SYNDIG1L: variants seen among roughly 807,000 people sequenced by gnomAD.
SYNDIG1L encodes synapse differentiation-inducing gene protein 1-like.
A neutral mutation model predicts 20.1 loss-of-function variants in SYNDIG1L; 13 were observed. The observed-to-expected ratio is 0.65, with a 90% CI of 0.42 to 1.03. The LOEUF (loss-of-function observed/expected upper bound fraction) is 1.03. Ranked by LOEUF, SYNDIG1L falls within the 50% of genes least tolerant of loss-of-function variation. The pLI is 0.00. For missense variants in SYNDIG1L, 294 were observed against 305.1 expected (o/e 0.96, Z 0.27); for synonymous variants, 128 against 129.3 (o/e 0.99, Z 0.07).
At chr14:74,421,236 C>A (rs540962294) in intron 1 of SYNDIG1L, among the ~76,000 whole-genome samples, 2 of 152,062 alleles carry the variant, frequency 1.3e-5, no homozygotes, top group South Asian at 2.1e-4. Flanking sequence ...TAAAAATAAT[C>A]GCCGAAATTT....
the SYNDIG1L span, among the ~76,000 whole-genome samples, chr14:74,447,977 C>G: frequency 6.6e-6 from 1 of 151,834 alleles, no homozygotes; most frequent in South Asian, 2.1e-4. Flanking sequence ...ACTATAAACC[C>G]CTAAGTAAGT....
the SYNDIG1L span, among the ~76,000 whole-genome samples, chr14:74,461,610 CT>C: frequency 6.6e-6 from 1 of 152,010 alleles, no homozygotes; most frequent in Non-Finnish European, 1.5e-5. Flanking sequence ...CCACTTTCCC[CT>C]GTCTACTGGC....
At chr14:74,479,270 A>T in the SYNDIG1L span, 1 of 152,236 alleles carries the variant, frequency 6.6e-6, no homozygotes, top group Non-Finnish European at 1.5e-5. Context: ...CCAAGGGTCT[A>T]GTGAAATTAG....
the SYNDIG1L span, among the ~76,000 whole-genome samples, chr14:74,436,550 C>T: frequency 5.3e-5 from 8 of 151,858 alleles, no homozygotes; most frequent in Non-Finnish European, 1.0e-4. Context: ...ACCCACTCAC[C>T]ATTAAAAGCT....
intron 1 of SYNDIG1L, among the ~76,000 whole-genome samples, chr14:74,420,506 A>C (rs1442948999): frequency 6.6e-6 from 1 of 152,124 alleles, no homozygotes; most frequent in Admixed American, 6.5e-5. Context: ...CTAAATGAAC[A>C]GGAATCTGTG....
chr14:74,456,315 AG>A, the SYNDIG1L span, among the ~76,000 whole-genome samples: 1 of 152,220 alleles, frequency 6.6e-6, no homozygotes, highest in Non-Finnish European at 1.5e-5. Flanking sequence ...GTATCACCTG[AG>A]GTCAGGAGTT....
the SYNDIG1L span, among the ~76,000 whole-genome samples, chr14:74,460,747 C>T: frequency 6.6e-6 from 1 of 152,136 alleles, no homozygotes; most frequent in African/African-American, 2.4e-5. Context: ...GCCATTCTCC[C>T]ACCTCAGCCT....
chr14:74,464,401 A>T, the SYNDIG1L span, among the ~76,000 whole-genome samples: 1 of 152,106 alleles, frequency 6.6e-6, no homozygotes, highest in African/African-American at 2.4e-5. Context: ...ATCCTCGCCA[A>T]ACCGTGAGCT....
At chr14:74,456,255 C>T in the SYNDIG1L span, among the ~76,000 whole-genome samples, 11 of 152,286 alleles carry the variant, frequency 7.2e-5, no homozygotes, top group East Asian at 3.9e-4. Context: ...CTTTGCTGGG[C>T]GCAGTGCCTC....
At chr14:74,477,521 TAA>T in the SYNDIG1L span, among the ~76,000 whole-genome samples, 1 of 144,772 alleles carries the variant, frequency 6.9e-6, no homozygotes. Flanking sequence ...GACTTTGTGT[TAA>T]AAAAAAAAAA....
chr14:74,438,359 C>T, the SYNDIG1L span, among the ~76,000 whole-genome samples: 2 of 152,160 alleles, frequency 1.3e-5, no homozygotes, highest in Non-Finnish European at 2.9e-5. Flanking sequence ...CCAACTCCAC[C>T]TTAGGTAAAC....
chr14:74,455,394 CTTT>C, the SYNDIG1L span, among the ~76,000 whole-genome samples: 4 of 123,750 alleles, frequency 3.2e-5, no homozygotes, highest in Admixed American at 8.5e-5. Flanking sequence ...CTTCCCCAAT[CTTT>C]TTTTTTTTTT....
At chr14:74,469,673 C>T in the SYNDIG1L span, among the ~76,000 whole-genome samples, 2 of 152,200 alleles carry the variant, frequency 1.3e-5, no homozygotes, top group Admixed American at 6.5e-5. Context: ...CTGCTCATTG[C>T]TAAGGGATAA....
intron 1 of SYNDIG1L, among the ~76,000 whole-genome samples, chr14:74,414,044 T>G (rs1289567930): frequency 6.6e-6 from 1 of 152,198 alleles, no homozygotes; most frequent in Non-Finnish European, 1.5e-5. Flanking sequence ...TGGCCTGGCC[T>G]TTCAGCCCAT....
At chr14:74,432,335 A>T in the SYNDIG1L span, among the ~76,000 whole-genome samples, 1 of 152,102 alleles carries the variant, frequency 6.6e-6, no homozygotes, top group Non-Finnish European at 1.5e-5. Flanking sequence ...CAGCAAACAC[A>T]TATTTGGTTT....
the SYNDIG1L span, chr14:74,479,887 A>G: frequency 6.0e-6 from 6 of 992,932 alleles, no homozygotes; most frequent in Non-Finnish European, 7.8e-6. Flanking sequence ...CCTGCCTTCC[A>G]TGGTTCTAGC....
chr14:74,411,701 G>C (rs1345094469), intron 1 of SYNDIG1L, among the ~76,000 whole-genome samples: 1 of 152,102 alleles, frequency 6.6e-6, no homozygotes, highest in Non-Finnish European at 1.5e-5. Flanking sequence ...GTCCATGAGG[G>C]GCCAGGATCC....
At chr14:74,470,058 C>T in the SYNDIG1L span, among the ~76,000 whole-genome samples, 2 of 151,834 alleles carry the variant, frequency 1.3e-5, no homozygotes, top group Non-Finnish European at 2.9e-5. Flanking sequence ...AATGCAGTCA[C>T]GAAAGGAGAA....
chr14:74,433,341 A>G, the SYNDIG1L span, among the ~76,000 whole-genome samples: 2 of 152,274 alleles, frequency 1.3e-5, no homozygotes, highest in East Asian at 3.9e-4. Flanking sequence ...TTTTTTGAGT[A>G]ACTACTACAT....
Sources: gnomAD v4.1 joint callset for allele counts (sites outside exome capture counted in the v4.1 genomes callset) on GRCh38, gnomAD v4.1.1 for gene constraint, MANE v1.5 for transcripts, NCBI Gene and HGNC (gene_info 2026-07-23, HGNC 2026-07-21) for gene names.